UGP2: variants seen among roughly 807,000 people sequenced by gnomAD.
UGP2 encodes the protein UDP-glucose pyrophosphorylase 2.
In UGP2, 40 loss-of-function variants were observed where a neutral mutation model predicts 49.0. The ratio of observed to expected loss-of-function variants is 0.82; its 90% confidence interval spans 0.63 to 1.06. The LOEUF (loss-of-function observed/expected upper bound fraction) is 1.06. UGP2 is among the 50% of genes least tolerant of loss of function. UGP2 has a pLI of 0.00. For synonymous variants in UGP2, 225 were observed against 213.0 expected (o/e 1.06, Z -0.49); for missense variants, 460 against 603.5 (o/e 0.76, Z 2.49).
intron 1 of UGP2, among the ~76,000 whole-genome samples, chr2:63,847,975 T>C (rs1668782777): frequency 6.6e-6 from 1 of 152,222 alleles, no homozygotes. Flanking sequence ...CATAAACAGA[T>C]ATTTGAAAGT....
intron 3 of UGP2, among the ~76,000 whole-genome samples, chr2:63,871,756 A>C (rs1174654624): frequency 6.6e-6 from 1 of 152,250 alleles, no homozygotes; most frequent in East Asian, 1.9e-4. Context: ...GCACGAAGCC[A>C]ACATATAGCC....
At chr2:63,856,829 A>G (rs1175186334) in intron 2 of UGP2, 2 of 458,586 alleles carry the variant, frequency 4.4e-6, no homozygotes, top group Non-Finnish European at 8.8e-6. Flanking sequence ...GACAATTGTC[A>G]TAGAAGTTTT....
intron 8 of UGP2, 56 bp downstream of exon 8, chr2:63,887,700 A>G: frequency 1.3e-6 from 2 of 1,592,794 alleles, no homozygotes; most frequent in East Asian, 4.5e-5. Context: ...AATTATAAAG[A>G]TATGATATAC....
At chr2:63,843,114 A>G (rs986993970) in intron 1 of UGP2, among the ~76,000 whole-genome samples, 5 of 151,732 alleles carry the variant, frequency 3.3e-5, no homozygotes, top group African/African-American at 1.2e-4. Flanking sequence ...GTACTTTTGG[A>G]AAAAAAAAGT....
At chr2:63,858,721 G>A (rs919418520) in intron 3 of UGP2, among the ~76,000 whole-genome samples, 19 of 151,802 alleles carry the variant, frequency 1.3e-4, no homozygotes, top group Non-Finnish European at 2.1e-4. Flanking sequence ...CTACTTTTAA[G>A]TAGTAGATTT....
intron 4 of UGP2, 141 bp from the exon 5 acceptor site, chr2:63,883,819 G>C: frequency 9.4e-7 from 1 of 1,065,916 alleles, no homozygotes; most frequent in Non-Finnish European, 1.3e-6. Flanking sequence ...GTGCTGAGCA[G>C]TTTTTTGTCA....
chr2:63,844,369 A>G (rs542731807), intron 1 of UGP2, among the ~76,000 whole-genome samples: 1 of 152,322 alleles, frequency 6.6e-6, no homozygotes, highest in African/African-American at 2.4e-5. Context: ...GATATTTCCA[A>G]TCACTGGCAC....
At chr2:63,859,007 T>C (rs1337790987) in intron 3 of UGP2, among the ~76,000 whole-genome samples, 1 of 151,302 alleles carries the variant, frequency 6.6e-6, no homozygotes, top group African/African-American at 2.4e-5. Flanking sequence ...TTTTTTCTTT[T>C]TTTTTTTTAG....
At position 63,862,759 on chromosome 2, in the gene UGP2, C is replaced by G. The variant is rs188812337; in HGVS notation, c.255+4823C>G. 117 of 453,462 alleles carry G rather than the reference C, an allele frequency of 2.6e-4. 1 individual carries two copies. Among genetic ancestry groups the G allele is most frequent in the African/African-American group, 2.2e-3 (110 of 49,416 alleles). The allele number at this position is 453,462 out of a possible 1,614,324, so 28.1% of individuals were successfully genotyped here. A position where few individuals can be genotyped will look rare whatever the true frequency, so the allele number is the denominator to read the frequency against. ...TACTATTTGAACATTGCCAGTCCCT[C>G]CAATTCCAATTTCCACCCCACAGAG... On this transcript the variant is annotated intron_variant, in intron 3 of 9. Coordinates refer to ENST00000337130, the MANE Select transcript of UGP2 (RefSeq NM_006759.4).
At chr2:63,855,520 G>GTTTTTTTTTTTTTTTTTGTTT (rs1669336788) in intron 1 of UGP2, 1 of 187,728 alleles carries the variant, frequency 5.3e-6, no homozygotes. Context: ...TTCTTTTTCT[G>GTTTTTTTTTTTTTTTTTGTTT]TTTTTTTTTT....
intron 3 of UGP2, among the ~76,000 whole-genome samples, chr2:63,859,564 C>G (rs981884678): frequency 1.3e-5 from 2 of 152,020 alleles, no homozygotes; most frequent in African/African-American, 2.4e-5. Context: ...TTTTTCGGTT[C>G]AGTACTACCC....
At chr2:63,857,000 T>C (rs182243716) in intron 2 of UGP2, 192 of 367,516 alleles carry the variant, frequency 5.2e-4, no homozygotes, top group African/African-American at 3.8e-3. Flanking sequence ...GAGAAAGATA[T>C]TGGTAAGTAA....
chr2:63,863,490 C>A lies in UGP2; in HGVS notation c.255+5554C>A, dbSNP rs1669985795. On this transcript the variant is annotated intron_variant, in intron 3 of 9. Transcript: ENST00000337130. ...ATTGCTACAATTTTTAATGAAAGGGCAGTAGTTACATGAGTTTGAGAGGCA... is the reference window on the plus strand; with the variant it reads ...ATTGCTACAATTTTTAATGAAAGGGAAGTAGTTACATGAGTTTGAGAGGCA... Among the ~76,000 whole-genome samples, 5 of 152,042 alleles carry A rather than the reference C, an allele frequency of 3.3e-5. No homozygotes were observed. The South Asian group carries it at 1.0e-3, about 32-fold the overall frequency.
At chr2:63,848,779 T>C (rs1227330492) in intron 1 of UGP2, among the ~76,000 whole-genome samples, 1 of 152,266 alleles carries the variant, frequency 6.6e-6, no homozygotes, top group African/African-American at 2.4e-5. Flanking sequence ...TGTTTTTTGA[T>C]TGGGTGACTT....
In UGP2 at chr2:63,890,787, C is replaced by A. The variant is rs111670516; in HGVS notation, c.1420-333C>A. On this transcript the variant is annotated intron_variant, in intron 9 of 9. Transcript: ENST00000337130. ...CTATATGTAAATGTAAACCAAGCAC[C>A]TTTTAATTTCTCTATGAAGGTTAGA... Among the ~76,000 whole-genome samples the A allele has an allele frequency of 5.3e-5, 8 of 152,142 alleles. 1 individual carries two copies. The highest frequency in any genetic ancestry group is 1.9e-4 in the African/African-American group (8 of 41,520).
At chr2:63,865,794 C>G (rs926299700) in intron 3 of UGP2, among the ~76,000 whole-genome samples, 4 of 152,070 alleles carry the variant, frequency 2.6e-5, no homozygotes, top group Non-Finnish European at 5.9e-5. Flanking sequence ...CTAGGTCTCC[C>G]AAAGTGCTGG....
At chr2:63,844,259 G>A (rs1301335086) in intron 1 of UGP2, among the ~76,000 whole-genome samples, 2 of 152,164 alleles carry the variant, frequency 1.3e-5, no homozygotes, top group African/African-American at 2.4e-5. Flanking sequence ...TGACACAGCT[G>A]TCTCCACAAA....
chr2:63,872,309 G>A (rs1402587889), intron 3 of UGP2, among the ~76,000 whole-genome samples: 1 of 152,226 alleles, frequency 6.6e-6, no homozygotes, highest in Non-Finnish European at 1.5e-5. Context: ...TTAATTGTAA[G>A]AACCTATTGG....
chr2:63,874,771 T>A (rs779527283), intron 3 of UGP2, among the ~76,000 whole-genome samples: 58 of 151,518 alleles, frequency 3.8e-4, no homozygotes, highest in Non-Finnish European at 7.5e-4. Context: ...GAGAACTGAT[T>A]GTTTAAAAAA....
Sources: allele counts gnomAD v4.1 joint callset (sites outside exome capture counted in the v4.1 genomes callset), GRCh38; gene constraint gnomAD v4.1.1; transcripts MANE v1.5; gene names NCBI Gene and HGNC (gene_info 2026-07-23, HGNC 2026-07-21).